CTNNA3: variants seen among roughly 807,000 people sequenced by gnomAD.
CTNNA3 encodes the protein catenin alpha 3.
A neutral mutation model predicts 95.7 loss-of-function variants in CTNNA3; 76 were observed. The observed-to-expected ratio is 0.79, with a 90% confidence interval of 0.66 to 0.96. The LOEUF is 0.96. Among genes scored for constraint, CTNNA3 ranks in the 40% least tolerant of loss-of-function variants. The pLI, the probability that CTNNA3 is intolerant of heterozygous loss-of-function variation, is 0.00. For missense variants in CTNNA3, 1,191 were observed against 1,089.8 expected (o/e 1.09, Z -1.31); for synonymous variants, 431 against 374.4 (o/e 1.15, Z -1.74).
intron 10 of CTNNA3, among the ~76,000 whole-genome samples, chr10:66,617,882 T>C (rs1384486226): frequency 6.6e-6 from 1 of 151,004 alleles, no homozygotes; most frequent in African/African-American, 2.4e-5. Flanking sequence ...ATAAAACCAA[T>C]GTACAAAAAT....
Position 66,521,863 on chromosome 10 carries a change from A to T in CTNNA3, c.1375-1090T>A, listed in dbSNP as rs1430232361. ...TTTCATCTCCTGTTACAATTCTTCAAAGAAGCAATTCAGGATCTTGGTCCC... is the reference window on the plus strand; with the variant it reads ...TTTCATCTCCTGTTACAATTCTTCATAGAAGCAATTCAGGATCTTGGTCCC... On this transcript the variant is annotated intron_variant, in intron 10 of 17. Transcript: ENST00000433211. Among the ~76,000 whole-genome samples, 3 of 152,164 alleles carry T rather than the reference A, an allele frequency of 2.0e-5. No individual in the cohort carries two copies. In the South Asian group the frequency reaches 6.2e-4, roughly 32 times the overall value.
chr10:66,468,009 T>C (rs929542051), intron 11 of CTNNA3, among the ~76,000 whole-genome samples: 1 of 152,062 alleles, frequency 6.6e-6, no homozygotes, highest in Non-Finnish European at 1.5e-5. Context: ...CTTAAATTTA[T>C]AAAACTTATT....
At chr10:66,319,415 C>T (rs7088181) in intron 12 of CTNNA3, among the ~76,000 whole-genome samples, 122,732 of 151,972 alleles carry the variant, frequency 0.81, 49,843 homozygotes, top group Non-Finnish European at 0.85. Flanking sequence ...GATAACCATG[C>T]GATGTTGGTC....
rs149215628 is a variant in CTNNA3 at position 67,050,707 on chromosome 10, C to T, written c.1047+129610G>A. On this transcript the variant is annotated intron_variant, in intron 7 of 17. Coordinates refer to ENST00000433211, the MANE Select transcript of CTNNA3 (RefSeq NM_013266.4). ...AACAGCAAAAGGAATTTACTGACTT[C>T]CTCTCAGATTGAAAGCAGAAATGAC... 9.1e-4 allele frequency among the ~76,000 whole-genome samples: 138 copies of T among 152,278 alleles called. 3 individuals carry two copies. The highest frequency in any genetic ancestry group is 3.2e-3 in the African/African-American group (134 of 41,558).
intron 15 of CTNNA3, among the ~76,000 whole-genome samples, chr10:66,048,032 TA>T (rs1366763129): frequency 1.6e-4 from 25 of 152,134 alleles, no homozygotes; most frequent in Admixed American, 5.9e-4. Flanking sequence ...TCAACATTAT[TA>T]AAATGGTTAT....
intron 15 of CTNNA3, among the ~76,000 whole-genome samples, chr10:66,013,355 A>G (rs556944879): frequency 9.9e-5 from 15 of 152,260 alleles, no homozygotes; most frequent in Admixed American, 7.2e-4. Context: ...GTCAAAAACT[A>G]TAAGTCTATA....
rs1841073447 is a variant in CTNNA3 at position 67,316,840 on chromosome 10, TCCAAATCCATATAATAATTAAGTAGC to T, written c.580-96996_580-96971del. ...AAAGTATTTTTTAAATGCCTATACT[TCCAAATCCATATAATAATTAAGTAGC>T]TCTGAACTTAACCTTTCAAAATTTA... On this transcript the variant is annotated intron_variant, in intron 5 of 17. Transcript: ENST00000433211. Among the ~76,000 whole-genome samples the T allele has an allele frequency of 7.9e-5, 12 of 152,338 alleles. No individual in the cohort carries two copies. The South Asian group carries it at 2.5e-3, about 32-fold the overall frequency.
intron 5 of CTNNA3, among the ~76,000 whole-genome samples, chr10:67,504,139 A>G (rs1296349710): frequency 6.8e-6 from 1 of 147,556 alleles, no homozygotes; most frequent in African/African-American, 2.5e-5. Context: ...CCTGGGCAAC[A>G]GAGCAAGACT....
At chr10:67,384,381 C>T (rs1184711303) in intron 5 of CTNNA3, among the ~76,000 whole-genome samples, 3 of 152,066 alleles carry the variant, frequency 2.0e-5, no homozygotes, top group Non-Finnish European at 4.4e-5. Flanking sequence ...TTCTCCAAAC[C>T]TCTTTTAAAA....
intron 5 of CTNNA3, among the ~76,000 whole-genome samples, chr10:67,260,155 A>G (rs1353307897): frequency 6.6e-6 from 1 of 152,210 alleles, no homozygotes; most frequent in East Asian, 1.9e-4. Context: ...AAGAGCCATC[A>G]TCTGGAGGGA....
intron 9 of CTNNA3, among the ~76,000 whole-genome samples, chr10:66,757,047 G>T (rs1220086434): frequency 6.6e-6 from 1 of 152,088 alleles, no homozygotes; most frequent in Admixed American, 6.6e-5. Context: ...TAGTTCTTTT[G>T]AGAAATGTGA....
chr10:66,418,587 G>A (rs34923835), intron 11 of CTNNA3, among the ~76,000 whole-genome samples: 1 of 139,408 alleles, frequency 7.2e-6, no homozygotes, highest in African/African-American at 2.7e-5. Flanking sequence ...ACACACAGAG[G>A]TATAGGTCAA....
intron 11 of CTNNA3, among the ~76,000 whole-genome samples, chr10:66,379,722 T>C (rs1341686812): frequency 2.0e-5 from 3 of 152,124 alleles, no homozygotes; most frequent in African/African-American, 7.2e-5. Flanking sequence ...ATGAAAGCAA[T>C]ATTATACAGA....
intron 13 of CTNNA3, among the ~76,000 whole-genome samples, chr10:66,117,188 A>T (rs1488678657): frequency 6.6e-6 from 1 of 152,160 alleles, no homozygotes. Flanking sequence ...GATTATGGTG[A>T]TAGCCTTGGG....
At chr10:67,473,184 T>G (rs533151036) in intron 5 of CTNNA3, among the ~76,000 whole-genome samples, 1 of 152,354 alleles carries the variant, frequency 6.6e-6, no homozygotes, top group South Asian at 2.1e-4. Flanking sequence ...TATTACAATC[T>G]GGCTAAGATC....
At position 66,587,459 on chromosome 10, in the gene CTNNA3, C is replaced by T. The variant is rs369431802; in HGVS notation, c.1374+34233G>A. On this transcript the variant is annotated intron_variant, in intron 10 of 17. Transcript: ENST00000433211. The stretch of plus-strand genomic sequence containing the variant: ...GTAGGGCCATGGAGCTCCCAAACAT[C>T]CCTGTATATTGCACTGTGCTACCAG... Among the ~76,000 whole-genome samples, 86 of 152,190 alleles carry T rather than the reference C, an allele frequency of 5.7e-4. 1 individual carries two copies. In the South Asian group the frequency reaches 0.013, roughly 22 times the overall value.
chr10:67,703,836 G>T (rs1295119895), intron 1 of CTNNA3, among the ~76,000 whole-genome samples: 3 of 152,176 alleles, frequency 2.0e-5, no homozygotes, highest in African/African-American at 2.4e-5. Context: ...AAGTCAAATT[G>T]TCCCTGTTTG....
chr10:66,520,695 T>C lies in CTNNA3; in HGVS notation c.1453A>G (p.Thr485Ala), dbSNP rs140913916. The change falls in exon 11 of 18, where the codon ACA becomes GCA. Residue 485 changes from threonine to alanine, a missense_variant. Transcript: ENST00000433211. ...AGGACATGTATATGATTCTCCCATG[T>C]ACGCTTGTACATTTCCATGGTGTTT... The part of the protein sequence containing the change: ...VKNTMEMYKR[T>A]WENHIHVLTE... 1 of 1,612,512 alleles carries C rather than the reference T, an allele frequency of 6.2e-7. No individual in the cohort carries two copies. Among genetic ancestry groups the C allele is most frequent in the African/African-American group, 1.3e-5 (1 of 74,956 alleles).
At chr10:67,189,491 AT>A (rs747324472) in intron 6 of CTNNA3, among the ~76,000 whole-genome samples, 20 of 151,916 alleles carry the variant, frequency 1.3e-4, no homozygotes, top group African/African-American at 2.4e-4. Context: ...CCACAAAAAA[AT>A]AAGTATGTGA....
Sources: allele counts gnomAD v4.1 joint callset (sites outside exome capture counted in the v4.1 genomes callset), GRCh38; gene constraint gnomAD v4.1.1; transcripts MANE v1.5; gene names NCBI Gene and HGNC (gene_info 2026-07-23, HGNC 2026-07-21).